HPCAL4: variants seen among roughly 807,000 people sequenced by gnomAD.
HPCAL4 encodes hippocalcin like 4, also known as hippocalcin-like protein 4.
HPCAL4 carries 16 observed loss-of-function variants against 18.2 expected under a neutral mutation model. The ratio of observed to expected loss-of-function variants is 0.88; its 90% confidence interval spans 0.59 to 1.33. The LOEUF (loss-of-function observed/expected upper bound fraction) is 1.33, where lower values mean the gene tolerates loss of function less well. Ranked by LOEUF, HPCAL4 falls within the 40% of genes most tolerant of loss-of-function variation. HPCAL4 has a pLI of 0.00. For synonymous variants in HPCAL4, 80 were observed against 97.5 expected (o/e 0.82, Z 1.06); for missense variants, 214 against 256.6 (o/e 0.83, Z 1.14).
In HPCAL4 at chr1:39,681,130, T is replaced by C. The variant is rs1211624554; in HGVS notation, c.*1406A>G. ...AGCTGTATAGCTCATGGATCCAAAA[T>C]TGGGAAGCAGGCATTGGAAAGCAGA... is the stretch of plus-strand genomic sequence containing the variant. On this transcript the variant is annotated 3_prime_UTR_variant, in exon 4 of 4. Transcript: ENST00000372844. 6.6e-6 allele frequency: 1 copy of C among 152,412 alleles called. No individual in the cohort carries two copies. Among genetic ancestry groups the C allele is most frequent in the African/African-American group, 2.4e-5 (1 of 41,430 alleles). The allele number at this position is 152,412 out of a possible 1,614,324, so 9.4% of individuals were successfully genotyped here.
rs1646620126 is a variant in HPCAL4, at chr1:39,680,865, A to G, written c.*1671T>C. 2.0e-5 allele frequency: 3 copies of G among 152,612 alleles called. No individual in the cohort carries two copies. Among genetic ancestry groups the G allele is most frequent in the Non-Finnish European group, 4.4e-5 (3 of 68,050 alleles). 9.5% of individuals were successfully genotyped at this position (152,612 alleles called of 1,614,324 possible). A position where few individuals can be genotyped will look rare whatever the true frequency, so the allele number is the denominator to read the frequency against. On this transcript the variant is annotated 3_prime_UTR_variant, in exon 4 of 4. Coordinates refer to ENST00000372844, the MANE Select transcript of HPCAL4 (RefSeq NM_016257.4). ...CTGCAGAGAAGCAGGACAGGTGGGC[A>G]CTCAGGAGTGAGGAGCATGCTGCAT...
chr1:39,682,866 G>T, intron 3 of HPCAL4, 133 bp from the exon 4 acceptor site: 1 of 647,384 alleles, frequency 1.5e-6, no homozygotes, highest in South Asian at 1.8e-5. Flanking sequence ...TGGTCATTAA[G>T]ACTGGATATT....
chr1:39,690,454 G>A (rs915026954), intron 1 of HPCAL4, among the ~76,000 whole-genome samples: 7 of 152,208 alleles, frequency 4.6e-5, no homozygotes, highest in African/African-American at 1.7e-4. Context: ...CAGGAAGGTG[G>A]GAGAGAGGGA....
chr1:39,682,884 C>A (rs1459544287), intron 3 of HPCAL4, 151 bp from the exon 4 acceptor site: 2 of 615,582 alleles, frequency 3.2e-6, no homozygotes, highest in Non-Finnish European at 5.7e-6. Flanking sequence ...ATTTAATGAG[C>A]AACTCTTTTT....
intron 1 of HPCAL4, among the ~76,000 whole-genome samples, chr1:39,685,723 CA>C (rs200783628): frequency 4.0e-5 from 6 of 151,588 alleles, no homozygotes; most frequent in East Asian, 1.9e-4. Flanking sequence ...ACTACAAATA[CA>C]AAAAAATTAG....
chr1:39,683,176 G>T (rs535959547), intron 3 of HPCAL4, among the ~76,000 whole-genome samples: 1 of 152,140 alleles, frequency 6.6e-6, no homozygotes, highest in Non-Finnish European at 1.5e-5. Flanking sequence ...GAGCCACCAC[G>T]CCCAGCCCTC....
In HPCAL4 at chr1:39,684,095, T is replaced by G. The variant is rs1570473860; in HGVS notation, c.220A>C (p.Lys74Gln). Reference protein sequence around the residue: ...FAQHAFRTFDKNGDGTIDFRE... With the variant: ...FAQHAFRTFDQNGDGTIDFRE... ...AAGTCGATGGTGCCGTCGCCGTTCT[T>G]GTCGAAGGTGCGGAAAGCGTGCTGC... The change falls in exon 3 of 4, where the codon AAG (lysine) becomes CAG (glutamine). Residue 74 changes from lysine (K) to glutamine (Q), a missense_variant. By Grantham distance (53) the Lys-to-Gln change is moderately conservative. Transcript: ENST00000372844. The G allele has an allele frequency of 6.2e-7, 1 of 1,613,878 alleles. No individual in the cohort carries two copies. The highest frequency in any genetic ancestry group is 8.5e-7 in the Non-Finnish European group (1 of 1,179,842).
At chr1:39,683,094 G>C (rs1646641331) in intron 3 of HPCAL4, among the ~76,000 whole-genome samples, 1 of 152,074 alleles carries the variant, frequency 6.6e-6, no homozygotes, top group African/African-American at 2.4e-5. Flanking sequence ...ATGTTGACCG[G>C]GTTGGTCTCG....
rs1179415380 is a variant in HPCAL4, at chr1:39,682,366, G to A, written c.*170C>T. 1 of 620,626 alleles carries A rather than the reference G, an allele frequency of 1.6e-6. No individual in the cohort carries two copies. Among genetic ancestry groups the A allele is most frequent in the Non-Finnish European group, 2.8e-6 (1 of 351,510 alleles). 38.4% of individuals were successfully genotyped at this position (620,626 alleles called of 1,614,324 possible). A position where few individuals can be genotyped will look rare whatever the true frequency, so the allele number is the denominator to read the frequency against. ...GGACCTGTCTCTTTTGCAGGGTGAG[G>A]TGGTCCCTCAAAGATCTTGATGGAG... On this transcript the variant is annotated 3_prime_UTR_variant, in exon 4 of 4. Coordinates refer to ENST00000372844, the MANE Select transcript of HPCAL4 (RefSeq NM_016257.4).
intron 3 of HPCAL4, 60 bp from the exon 4 acceptor site, chr1:39,682,793 G>C: frequency 7.4e-7 from 1 of 1,358,752 alleles, no homozygotes; most frequent in Non-Finnish European, 1.0e-6. Flanking sequence ...GAAGCAGCGG[G>C]TGAAGGAAAG....
At chr1:39,689,908 T>C (rs1030379495) in intron 1 of HPCAL4, among the ~76,000 whole-genome samples, 1 of 152,180 alleles carries the variant, frequency 6.6e-6, no homozygotes, top group Non-Finnish European at 1.5e-5. Context: ...GCAGCAGCAA[T>C]AGCAGCAGCA....
In HPCAL4 at chr1:39,684,581, A is replaced by G; in HGVS notation, c.23T>C (p.Leu8Pro). The change falls in exon 2 of 4, where the codon CTG (leucine) becomes CCG (proline). Residue 8 changes from leucine (L) to proline (P), a missense_variant. Coordinates refer to ENST00000372844, the MANE Select transcript of HPCAL4 (RefSeq NM_016257.4). MGKTNSK[L>P]APEVLEDLVQ... ...AAGGTCCTCCAGCACCTCGGGGGCCAGCTTGCTGTTGGTCTTCCCCATGGC... is the reference window on the plus strand; with the variant it reads ...AAGGTCCTCCAGCACCTCGGGGGCCGGCTTGCTGTTGGTCTTCCCCATGGC... 3 of 1,606,736 alleles carry G rather than the reference A, an allele frequency of 1.9e-6. No homozygotes were observed. The highest frequency in any genetic ancestry group is 2.6e-6 in the Non-Finnish European group (3 of 1,176,392).
chr1:39,683,309 C>T (rs1247079850), intron 3 of HPCAL4, among the ~76,000 whole-genome samples: 1 of 152,232 alleles, frequency 6.6e-6, no homozygotes, highest in African/African-American at 2.4e-5. Flanking sequence ...CTATCACTCT[C>T]TCCCTCTCAT....
intron 1 of HPCAL4, among the ~76,000 whole-genome samples, chr1:39,690,316 C>T (rs1422690715): frequency 6.6e-6 from 1 of 152,150 alleles, no homozygotes; most frequent in Non-Finnish European, 1.5e-5. Context: ...AGGGGAGTGA[C>T]TTGGCCAAAG....
Position 39,687,953 on chromosome 1 carries a change from C to T in HPCAL4, c.-8-3342G>A, listed in dbSNP as rs192801828. ...TTAAGAAAAGAAGGTCAAAACTGGC[C>T]GTGCCCTTTAAGATCATCCCCTTAT... On this transcript the variant is annotated intron_variant, in intron 1 of 3. Coordinates refer to ENST00000372844, the MANE Select transcript of HPCAL4 (RefSeq NM_016257.4). Among the ~76,000 whole-genome samples, 181 of 152,022 alleles carry T rather than the reference C, an allele frequency of 1.2e-3. 1 individual carries two copies. The highest frequency in any genetic ancestry group is 3.8e-3 in the African/African-American group (159 of 41,432).
intron 1 of HPCAL4, among the ~76,000 whole-genome samples, chr1:39,690,335 T>C (rs1646708581): frequency 1.3e-5 from 2 of 152,200 alleles, no homozygotes; most frequent in South Asian, 4.1e-4. Flanking sequence ...AGTCAAACTT[T>C]GGCTGTACAA....
chr1:39,684,380 C>T (rs1342479155), intron 2 of HPCAL4, 62 bp downstream of exon 2: 6 of 1,237,812 alleles, frequency 4.8e-6, no homozygotes, highest in Non-Finnish European at 6.1e-6. Flanking sequence ...CCCTCACCCC[C>T]GGTTCCTCGC....
In HPCAL4 at chr1:39,684,083, C is replaced by G. The variant is rs367628389; in HGVS notation, c.232G>C (p.Gly78Arg). The stretch of plus-strand genomic sequence containing the variant: ...ATGAACTCCCGGAAGTCGATGGTGC[C>G]GTCGCCGTTCTTGTCGAAGGTGCGG... ...AFRTFDKNGDGTIDFREFICA... is the reference protein window; with the variant it reads ...AFRTFDKNGDRTIDFREFICA... Residue 78 changes from glycine (G) to arginine (R), a missense_variant, in exon 3 of 4, where the codon GGC becomes CGC. Gly to Arg is a moderately radical substitution (Grantham distance 125, BLOSUM62 -2). Transcript: ENST00000372844. 41 of 1,613,836 alleles carry G rather than the reference C, an allele frequency of 2.5e-5. No individual in the cohort carries two copies. The highest frequency in any genetic ancestry group is 4.5e-5 in the East Asian group (2 of 44,882).
chr1:39,682,408 G>T lies in HPCAL4; in HGVS notation c.*128C>A. On this transcript the variant is annotated 3_prime_UTR_variant, in exon 4 of 4. Transcript: ENST00000372844. ...TTGATGGAGGGGAGGAAGGGCTTGG[G>T]CAGAGGACTGGGTGGGCCAGAGAGG... The T allele has an allele frequency of 1.3e-6, 1 of 780,264 alleles. No homozygotes were observed. Among genetic ancestry groups the T allele is most frequent in the Non-Finnish European group, 2.1e-6 (1 of 474,190 alleles). 48.3% of individuals were successfully genotyped at this position (780,264 alleles called of 1,614,324 possible).
Sources: gnomAD v4.1 joint callset for allele counts (sites outside exome capture counted in the v4.1 genomes callset) on GRCh38, gnomAD v4.1.1 for gene constraint, MANE v1.5 for transcripts, NCBI Gene and HGNC (gene_info 2026-07-23, HGNC 2026-07-21) for gene names.